Variants in DOK6 observed in about 807,000 individuals in gnomAD.
DOK6 encodes the protein docking protein 6, also known as downstream of tyrosine kinase 6.
In DOK6, 22 loss-of-function variants were observed where a neutral mutation model predicts 44.0. The ratio of observed to expected loss-of-function variants is 0.50; its 90% CI spans 0.36 to 0.71. DOK6 has a LOEUF of 0.71. Among genes scored for constraint, DOK6 ranks in the 30% least tolerant of loss-of-function variants. The pLI is 0.00. For missense variants in DOK6, 340 were observed against 416.4 expected (o/e 0.82, Z 1.60); for synonymous variants, 166 against 145.5 (o/e 1.14, Z -1.01).
intron 1 of DOK6, among the ~76,000 whole-genome samples, chr18:69,448,537 A>G (rs995437884): frequency 8.6e-5 from 13 of 151,942 alleles, no homozygotes; most frequent in Admixed American, 8.5e-4. Context: ...ATGCCCAGCT[A>G]ATGTTTTTGT....
At chr18:69,643,792 TA>T (rs1340464077) in intron 3 of DOK6, 1 of 152,178 alleles carries the variant, frequency 6.6e-6, no homozygotes, top group African/African-American at 2.4e-5. Flanking sequence ...ATTCTTAAGG[TA>T]AAAGCTCATT....
chr18:69,484,284 C>T (rs1980512140), intron 1 of DOK6, among the ~76,000 whole-genome samples: 1 of 150,542 alleles, frequency 6.6e-6, no homozygotes, highest in Non-Finnish European at 1.5e-5. Context: ...GCTTTCTTTG[C>T]TTTAAGTAAC....
intron 6 of DOK6, among the ~76,000 whole-genome samples, chr18:69,748,311 G>A (rs947821303): frequency 1.3e-5 from 2 of 151,596 alleles, no homozygotes; most frequent in African/African-American, 2.4e-5. Flanking sequence ...TTAACACCCC[G>A]CTGTCAATAT....
intron 6 of DOK6, among the ~76,000 whole-genome samples, chr18:69,753,936 T>C (rs1473125721): frequency 1.3e-5 from 2 of 152,118 alleles, no homozygotes; most frequent in Non-Finnish European, 2.9e-5. Context: ...TAAAATACAT[T>C]GTTTAGAAAT....
At chr18:69,515,335 C>A (rs1159683989) in intron 1 of DOK6, among the ~76,000 whole-genome samples, 1 of 152,064 alleles carries the variant, frequency 6.6e-6, no homozygotes, top group African/African-American at 2.4e-5. Flanking sequence ...ATATTTTTTC[C>A]TGGTCCTAAG....
At chr18:69,656,028 A>G (rs927145349) in intron 3 of DOK6, among the ~76,000 whole-genome samples, 2 of 152,154 alleles carry the variant, frequency 1.3e-5, no homozygotes, top group African/African-American at 4.8e-5. Flanking sequence ...TGAGAGTTAC[A>G]TCAAGTCAAC....
At chr18:69,743,986 G>T (rs994454881) in intron 6 of DOK6, among the ~76,000 whole-genome samples, 1 of 152,062 alleles carries the variant, frequency 6.6e-6, no homozygotes, top group Non-Finnish European at 1.5e-5. Context: ...ATCATCAGTG[G>T]GACTTGTCAA....
At chr18:69,445,533 TG>T (rs928148999) in intron 1 of DOK6, among the ~76,000 whole-genome samples, 23 of 151,956 alleles carry the variant, frequency 1.5e-4, no homozygotes, top group African/African-American at 3.9e-4. Flanking sequence ...ATGCTTTTTT[TG>T]GGGGGGGATT....
intron 4 of DOK6, among the ~76,000 whole-genome samples, chr18:69,697,452 C>A (rs561622283): frequency 6.6e-6 from 1 of 152,172 alleles, no homozygotes. Flanking sequence ...ATTCTTGCAT[C>A]TCATAATTCA....
At chr18:69,565,148 A>G (rs1315611575) in intron 2 of DOK6, among the ~76,000 whole-genome samples, 1 of 152,210 alleles carries the variant, frequency 6.6e-6, no homozygotes, top group Non-Finnish European at 1.5e-5. Context: ...TATATCTTTC[A>G]TGATAACATC....
intron 2 of DOK6, among the ~76,000 whole-genome samples, chr18:69,596,252 C>A (rs915656694): frequency 6.6e-6 from 1 of 151,860 alleles, no homozygotes. Context: ...ATATATGCCC[C>A]CAGGATATTT....
chr18:69,406,077 G>C (rs1347182755), intron 1 of DOK6, among the ~76,000 whole-genome samples: 6 of 152,106 alleles, frequency 3.9e-5, no homozygotes, highest in African/African-American at 1.4e-4. Flanking sequence ...TTTGATTCTA[G>C]ATTTTTATTC....
chr18:69,767,501 C>T (rs1222171999), intron 7 of DOK6, among the ~76,000 whole-genome samples: 1 of 151,966 alleles, frequency 6.6e-6, no homozygotes, highest in African/African-American at 2.4e-5. Context: ...CCAAGGTTTG[C>T]AGAACTCATG....
At chr18:69,442,514 C>G (rs1979163830) in intron 1 of DOK6, among the ~76,000 whole-genome samples, 2 of 152,142 alleles carry the variant, frequency 1.3e-5, no homozygotes, top group Admixed American at 1.3e-4. Context: ...TATCAGAGAA[C>G]AGCATGGGGG....
chr18:69,717,998 T>A (rs1986922699), intron 5 of DOK6, among the ~76,000 whole-genome samples: 1 of 152,216 alleles, frequency 6.6e-6, no homozygotes, highest in Non-Finnish European at 1.5e-5. Context: ...GTATGTTCCT[T>A]TAAGGAGCTT....
intron 5 of DOK6, among the ~76,000 whole-genome samples, chr18:69,731,707 GA>G (rs1466144212): frequency 6.6e-6 from 1 of 151,942 alleles, no homozygotes; most frequent in African/African-American, 2.4e-5. Context: ...TCAAAATGTT[GA>G]AAAAAAGCAT....
intron 5 of DOK6, among the ~76,000 whole-genome samples, chr18:69,735,732 T>C (rs1978584095): frequency 1.3e-5 from 2 of 152,182 alleles, no homozygotes; most frequent in African/African-American, 2.4e-5. Flanking sequence ...CTTGTTGGGA[T>C]TAATGTATCT....
intron 3 of DOK6, chr18:69,662,960 T>C (rs2144673560): frequency 6.6e-6 from 1 of 152,366 alleles, no homozygotes; most frequent in Middle Eastern, 3.4e-3. Context: ...ATCCTTTTTT[T>C]GAACTATCCT....
intron 1 of DOK6, among the ~76,000 whole-genome samples, chr18:69,461,431 T>C (rs1234452734): frequency 6.6e-6 from 1 of 152,204 alleles, no homozygotes; most frequent in Non-Finnish European, 1.5e-5. Flanking sequence ...CCTCAGTTCC[T>C]GATAAACGCC....
Sources: allele counts gnomAD v4.1 joint callset (sites outside exome capture counted in the v4.1 genomes callset), GRCh38; gene constraint gnomAD v4.1.1; transcripts MANE v1.5; gene names NCBI Gene and HGNC (gene_info 2026-07-23, HGNC 2026-07-21).